PTPRS: variants seen among roughly 807,000 people sequenced by gnomAD.
PTPRS encodes the protein protein tyrosine phosphatase receptor type S, also known as receptor-type tyrosine-protein phosphatase S.
A neutral mutation model predicts 215.3 loss-of-function variants in PTPRS; 63 were observed. That is an observed-to-expected ratio of 0.29 (90% CI 0.24 to 0.36). The LOEUF (loss-of-function observed/expected upper bound fraction) is 0.36. Among genes scored for constraint, PTPRS ranks in the 10% least tolerant of loss-of-function variants. The pLI is 1.00. For missense variants in PTPRS, 2,258 were observed against 2,825.8 expected (o/e 0.80, Z 4.56); for synonymous variants, 1,404 against 1,191.4 (o/e 1.18, Z -3.68).
Position 5,240,262 on chromosome 19 carries a change from G to A in PTPRS, c.1641C>T (p.Pro547=), listed in dbSNP as rs1200249441. 6.3e-7 allele frequency: 1 copy of A among 1,592,434 alleles called. No homozygotes were observed. The highest frequency in any genetic ancestry group is 1.8e-5 in the Admixed American group (1 of 56,332). The change falls in exon 12 of 38, where the codon CCC becomes CCT. Residue 547 remains proline, a synonymous_variant. Coordinates refer to ENST00000262963, the MANE Select transcript of PTPRS (RefSeq NM_002850.4). Reference sequence around the variant, plus strand: ...ACTTGATGATACTCTCCTGCCGCGGGGGGCTCCAGGACAGCGTGATGCTGG... The same window carrying A: ...ACTTGATGATACTCTCCTGCCGCGGAGGGCTCCAGGACAGCGTGATGCTGG... ...SETSITLSWS[P]PRQESIIKYE... is the part of the protein sequence containing the mutation.
intron 30 of PTPRS, among the ~76,000 whole-genome samples, chr19:5,213,041 T>C (rs928931686): frequency 6.6e-6 from 1 of 152,156 alleles, no homozygotes; most frequent in South Asian, 2.1e-4. Context: ...CTGGGCACTC[T>C]GGCCACAGCT....
rs1300612930 is a variant in PTPRS at position 5,210,407 on chromosome 19, G to A, written c.5487+62C>T. 3.1e-6 allele frequency: 5 copies of A among 1,608,946 alleles called. No individual in the cohort carries two copies. The Admixed American group carries it at 8.3e-5, about 27-fold the overall frequency. On this transcript the variant is annotated intron_variant, in intron 35 of 37. Coordinates refer to ENST00000262963, the MANE Select transcript of PTPRS (RefSeq NM_002850.4). This position sits in a 1 kb window ranked among gnomAD's most constrained non-coding sequence, Gnocchi z 4.5. Reference sequence around the variant, plus strand: ...TGGCCTTTGTATCCATCACCAACCAGGGCAGCCCTTTCCAGATCACTAAGG... The same window carrying A: ...TGGCCTTTGTATCCATCACCAACCAAGGCAGCCCTTTCCAGATCACTAAGG...
At chr19:5,211,855 G>C in intron 32 of PTPRS, 87 bp from the exon 33 acceptor site, 3 of 1,575,686 alleles carry the variant, frequency 1.9e-6, no homozygotes, top group Non-Finnish European at 2.6e-6. Flanking sequence ...TAGGTAGGTA[G>C]GGGCACCCTG....
At chr19:5,251,662 G>A (rs1568483477) in intron 9 of PTPRS, among the ~76,000 whole-genome samples, 1 of 152,046 alleles carries the variant, frequency 6.6e-6, no homozygotes, top group African/African-American at 2.4e-5. Flanking sequence ...GCAGGCGAGA[G>A]GTGTTCAGAG....
chr19:5,231,547 G>A lies in PTPRS; in HGVS notation c.1918C>T (p.Arg640Cys), dbSNP rs868011195. The A allele has an allele frequency of 1.9e-6, 3 of 1,609,458 alleles. No homozygotes were observed. The highest frequency in any genetic ancestry group is 1.7e-4 in the Middle Eastern group (1 of 5,922). The part of the protein sequence containing the change: ...VRSTAILVSW[R>C]PPPPETHNGA... ...TTGTGCGTTTCCGGCGGCGGCGGGC[G>A]CCAACTTACCAAAATGGCCGTGGAG... The change falls in exon 14 of 38, where the codon CGC (arginine) becomes TGC (cysteine). Residue 640 changes from arginine (R) to cysteine (C), a missense_variant. Physicochemically the swap from Arg to Cys is radical, Grantham distance 180. This residue lies in a region of PTPRS where 371 missense variants were observed against 446.7 expected (regional missense o/e 0.83). Coordinates refer to ENST00000262963, the MANE Select transcript of PTPRS (RefSeq NM_002850.4).
Position 5,261,821 on chromosome 19 carries a change from C to T in PTPRS, c.578-999G>A, listed in dbSNP as rs558623212. 5.9e-5 allele frequency among the ~76,000 whole-genome samples: 9 copies of T among 152,280 alleles called. No individual in the cohort carries two copies. In the East Asian group the frequency reaches 9.7e-4, roughly 16 times the overall value. ...TTTTCGGAGTCCCTGAATTATCTTTCGAGGTGTTCTCGTGAGGCCACTCTG... is the reference window on the plus strand; with the variant it reads ...TTTTCGGAGTCCCTGAATTATCTTTTGAGGTGTTCTCGTGAGGCCACTCTG... On this transcript the variant is annotated intron_variant, in intron 6 of 37. Coordinates refer to ENST00000262963, the MANE Select transcript of PTPRS (RefSeq NM_002850.4).
intron 9 of PTPRS, among the ~76,000 whole-genome samples, chr19:5,254,338 G>C (rs1414466244): frequency 2.0e-5 from 3 of 152,158 alleles, no homozygotes; most frequent in Non-Finnish European, 4.4e-5. Context: ...TGATTCCAAA[G>C]TCTGGCTTCT....
intron 15 of PTPRS, 40 bp downstream of exon 15, chr19:5,229,451 C>T: frequency 7.2e-7 from 1 of 1,382,506 alleles, no homozygotes; most frequent in Non-Finnish European, 9.3e-7. Context: ...CCGTCCCCGC[C>T]CGGAGCCCGT....
chr19:5,338,713 C>A lies in PTPRS; in HGVS notation c.-95+1951G>T, dbSNP rs2050587844. On this transcript the variant is annotated intron_variant, in intron 1 of 37. Coordinates refer to ENST00000262963, the MANE Select transcript of PTPRS (RefSeq NM_002850.4). This position sits in a 1 kb window ranked among gnomAD's most constrained non-coding sequence, Gnocchi z 4.2. ...GGGGAGGGGGGCACAAAGGAAGGGA[C>A]CCTGGGAGGGGGAGGGGACTTATGC... Among the ~76,000 whole-genome samples the A allele has an allele frequency of 6.6e-6, 1 of 151,900 alleles. No individual in the cohort carries two copies. The highest frequency in any genetic ancestry group is 2.4e-5 in the African/African-American group (1 of 41,344).
At chr19:5,223,560 ATTTTTTTTTT>A (rs35490567) in intron 17 of PTPRS, among the ~76,000 whole-genome samples, 1 of 129,064 alleles carries the variant, frequency 7.7e-6, no homozygotes, top group African/African-American at 3.0e-5. Flanking sequence ...TGCGGTTGTG[ATTTTTTTTTT>A]TTTTTTTTTT....
chr19:5,221,467 T>G (rs2041972188), intron 19 of PTPRS, among the ~76,000 whole-genome samples: 1 of 151,676 alleles, frequency 6.6e-6, no homozygotes, highest in African/African-American at 2.4e-5. Flanking sequence ...AGACTGTGCC[T>G]AAATTCCAGC....
At chr19:5,251,854 G>A (rs930535906) in intron 9 of PTPRS, among the ~76,000 whole-genome samples, 1 of 152,100 alleles carries the variant, frequency 6.6e-6, no homozygotes, top group Non-Finnish European at 1.5e-5. Context: ...GTAGGGAGGC[G>A]TGGCCAGGTA....
chr19:5,323,444 AGGT>A (rs1366190827), intron 1 of PTPRS, among the ~76,000 whole-genome samples: 1 of 152,220 alleles, frequency 6.6e-6, no homozygotes, highest in African/African-American at 2.4e-5. Context: ...ACAGGAAACT[AGGT>A]GGTGGGGCAG....
In PTPRS at chr19:5,225,740, C is replaced by T; in HGVS notation, c.2481G>A (p.Val827=). ...CGGGTTGCATACCTGCTCCCTTGGT[C>T]ACAACCACCTTGGGTTTGCTGCGAG... is the stretch of plus-strand genomic sequence containing the variant. ...DGARSKPKVV[V]TKGAVLGRPT... is the part of the protein sequence containing the mutation. Residue 827 remains valine, a synonymous_variant, in exon 17 of 38, where the codon GTG becomes GTA. Transcript: ENST00000262963. 1 of 1,614,018 alleles carries T rather than the reference C, an allele frequency of 6.2e-7. No individual in the cohort carries two copies.
chr19:5,214,270 T>C (rs1568374794), intron 30 of PTPRS, 91 bp downstream of exon 30: 2 of 1,555,966 alleles, frequency 1.3e-6, no homozygotes, highest in Non-Finnish European at 1.8e-6. Flanking sequence ...CTCTGTCCCA[T>C]GGGGAGCTCC....
chr19:5,290,731 C>A (rs1294679005), intron 1 of PTPRS, among the ~76,000 whole-genome samples: 1 of 152,014 alleles, frequency 6.6e-6, no homozygotes, highest in Non-Finnish European at 1.5e-5. Flanking sequence ...GCAGGAGAAG[C>A]TGAGGCTGAT....
At chr19:5,224,038 G>A (rs2042252351) in intron 17 of PTPRS, among the ~76,000 whole-genome samples, 1 of 152,026 alleles carries the variant, frequency 6.6e-6, no homozygotes, top group Non-Finnish European at 1.5e-5. Flanking sequence ...AATGAGCCGG[G>A]GGTGGTGGTG....
At chr19:5,303,547 G>A (rs570994036) in intron 1 of PTPRS, among the ~76,000 whole-genome samples, 9 of 152,122 alleles carry the variant, frequency 5.9e-5, no homozygotes, top group East Asian at 3.9e-4. Flanking sequence ...TAAAGGCCCC[G>A]AGGTGGGAAC....
In PTPRS at chr19:5,211,959, T is replaced by C. The variant is rs777124051; in HGVS notation, c.5055+6A>G. 1.3e-6 allele frequency: 2 copies of C among 1,590,316 alleles called. No homozygotes were observed. Among genetic ancestry groups the C allele is most frequent in the Non-Finnish European group, 1.7e-6 (2 of 1,169,258 alleles). The stretch of plus-strand genomic sequence containing the variant: ...CCGCCCACAGCAGCCTCCACCCCGC[T>C]GGCACCTTGAACTCGAGTTCCATGC... On this transcript the variant is annotated splice_donor_region_variant and intron_variant, in intron 32 of 37. Transcript: ENST00000262963.
Sources: allele counts gnomAD v4.1 joint callset (sites outside exome capture counted in the v4.1 genomes callset), GRCh38; gene constraint gnomAD v4.1.1; regional missense constraint gnomAD v4.1.1; non-coding constraint Gnocchi (gnomAD v3.1); transcripts MANE v1.5; gene names NCBI Gene and HGNC (gene_info 2026-07-23, HGNC 2026-07-21).